Variants in LRBA observed in about 807,000 individuals in gnomAD.
The protein encoded by LRBA is lipopolysaccharide-responsive and beige-like anchor protein.
Under a neutral mutation model 330.0 loss-of-function variants are expected in LRBA, and 176 were observed. That is an observed-to-expected ratio of 0.53 (90% CI 0.47 to 0.60). The LOEUF (loss-of-function observed/expected upper bound fraction) is 0.60. Among genes scored for constraint, LRBA ranks in the 20% least tolerant of loss-of-function variants. LRBA has a pLI of 0.00. For synonymous variants in LRBA, 1,230 were observed against 1,193.0 expected, an observed-to-expected ratio of 1.03 and a Z score of -0.64; for missense variants, 3,259 against 3,444.8, an observed-to-expected ratio of 0.95 and a Z score of 1.35.
At chr4:150,992,240 C>T (rs1382897831) in intron 2 of LRBA, among the ~76,000 whole-genome samples, 2 of 139,810 alleles carry the variant, frequency 1.4e-5, no homozygotes, top group African/African-American at 5.3e-5. Flanking sequence ...CGCTTGAACT[C>T]GGGAGGCAGG....
intron 44 of LRBA, among the ~76,000 whole-genome samples, chr4:150,456,062 C>T (rs1413931184): frequency 1.3e-5 from 2 of 152,086 alleles, no homozygotes; most frequent in Non-Finnish European, 2.9e-5. Context: ...TTTCTTTATT[C>T]ATTCATCTGT....
intron 36 of LRBA, among the ~76,000 whole-genome samples, chr4:150,712,305 CA>C (rs1374072839): frequency 6.6e-6 from 1 of 152,126 alleles, no homozygotes; most frequent in East Asian, 1.9e-4. Flanking sequence ...TCCCCATCCT[CA>C]ACGTTTGAGT....
chr4:150,385,444 C>A (rs1034507523), intron 47 of LRBA, among the ~76,000 whole-genome samples: 1 of 152,014 alleles, frequency 6.6e-6, no homozygotes, highest in Non-Finnish European at 1.5e-5. Flanking sequence ...GTTTTATTTT[C>A]TATTACAAGT....
At position 150,975,883 on chromosome 4, in the gene LRBA, C is replaced by T. The variant is rs1384095634; in HGVS notation, c.216+38544G>A. 9.9e-5 allele frequency among the ~76,000 whole-genome samples: 15 copies of T among 151,912 alleles called. No homozygotes were observed. The East Asian group carries it at 1.6e-3, about 16-fold the overall frequency. ...GAGTTCCAAAAAGGAGAGTAGAGGC[C>T]GGGCGCAGTGGCTCACGCCTGTAAT... On this transcript the variant is annotated intron_variant, in intron 2 of 56. Coordinates refer to ENST00000651943, the MANE Select transcript of LRBA (RefSeq NM_001364905.1).
At chr4:150,443,908 C>A (rs1219221310) in intron 44 of LRBA, among the ~76,000 whole-genome samples, 51 of 134,544 alleles carry the variant, frequency 3.8e-4, no homozygotes, top group South Asian at 1.4e-3. Flanking sequence ...CCACCTCCAA[C>A]CAAACTGACT....
chr4:150,268,260 CAAGTG>C (rs964211045), intron 56 of LRBA, among the ~76,000 whole-genome samples: 26 of 152,194 alleles, frequency 1.7e-4, no homozygotes, highest in African/African-American at 6.0e-4. Flanking sequence ...AGACTTATGA[CAAGTG>C]AAGAGATTGA....
chr4:150,621,226 AT>A (rs1159264288), intron 37 of LRBA, among the ~76,000 whole-genome samples: 1 of 152,310 alleles, frequency 6.6e-6, no homozygotes, highest in African/African-American at 2.4e-5. Context: ...TTTGAAAGAT[AT>A]TTTTTATAAT....
intron 36 of LRBA, among the ~76,000 whole-genome samples, chr4:150,691,929 CCTA>C (rs970677926): frequency 1.3e-5 from 2 of 151,902 alleles, no homozygotes; most frequent in African/African-American, 4.8e-5. Context: ...ATCCAGAGTA[CCTA>C]CTATTTGATT....
chr4:150,724,724 C>T (rs1361963990), intron 36 of LRBA, among the ~76,000 whole-genome samples: 6 of 151,350 alleles, frequency 4.0e-5, no homozygotes, highest in Admixed American at 4.0e-4. Flanking sequence ...ATAAATTTAA[C>T]AAAAGGATTA....
intron 4 of LRBA, among the ~76,000 whole-genome samples, chr4:150,922,467 G>T (rs185468036): frequency 6.6e-6 from 1 of 150,856 alleles, no homozygotes; most frequent in African/African-American, 2.4e-5. Flanking sequence ...AGCATTTGCA[G>T]TGACCTGGAT....
chr4:150,921,846 C>A (rs1199246765), intron 4 of LRBA, among the ~76,000 whole-genome samples: 1 of 152,208 alleles, frequency 6.6e-6, no homozygotes, highest in East Asian at 1.9e-4. Flanking sequence ...CTGCCTCACC[C>A]TCCCAAGTAG....
intron 44 of LRBA, among the ~76,000 whole-genome samples, chr4:150,439,082 A>G (rs1296863863): frequency 3.3e-5 from 5 of 152,168 alleles, no homozygotes; most frequent in Non-Finnish European, 7.4e-5. Context: ...CTTTAAATGT[A>G]TTTTAGTTGT....
At chr4:150,787,923 A>C (rs1417814540) in intron 34 of LRBA, among the ~76,000 whole-genome samples, 5 of 152,114 alleles carry the variant, frequency 3.3e-5, no homozygotes, top group Non-Finnish European at 7.4e-5. Context: ...TATCTCTTTG[A>C]TATGCTGATT....
intron 2 of LRBA, chr4:151,014,122 G>GAA: frequency 6.1e-5 from 14 of 227,980 alleles, no homozygotes; most frequent in East Asian, 1.7e-4. Flanking sequence ...TACAAGCCAA[G>GAA]AAAAAAAAAA....
intron 48 of LRBA, among the ~76,000 whole-genome samples, chr4:150,333,791 T>C (rs1018369018): frequency 6.6e-6 from 1 of 152,148 alleles, no homozygotes; most frequent in Non-Finnish European, 1.5e-5. Context: ...AACATATTAA[T>C]CAAATGACTA....
At chr4:150,466,816 G>A (rs1449114341) in intron 44 of LRBA, among the ~76,000 whole-genome samples, 1 of 152,098 alleles carries the variant, frequency 6.6e-6, no homozygotes, top group Non-Finnish European at 1.5e-5. Context: ...GGAGGAATCA[G>A]TTTGAACTCA....
At chr4:150,799,906 G>A (rs1741351803) in intron 33 of LRBA, among the ~76,000 whole-genome samples, 1 of 152,022 alleles carries the variant, frequency 6.6e-6, no homozygotes, top group Admixed American at 6.6e-5. Flanking sequence ...CACCACACTT[G>A]GCTAATTTCT....
chr4:150,362,557 C>G (rs1738872464), intron 47 of LRBA, among the ~76,000 whole-genome samples: 1 of 152,168 alleles, frequency 6.6e-6, no homozygotes, highest in Non-Finnish European at 1.5e-5. Flanking sequence ...AAAACAGGCT[C>G]CAATCCACAG....
chr4:150,933,918 G>A (rs1470028848), intron 2 of LRBA, among the ~76,000 whole-genome samples: 1 of 151,930 alleles, frequency 6.6e-6, no homozygotes, highest in African/African-American at 2.4e-5. Context: ...CCAGCTGCTT[G>A]GAGGCTGAGG....
Sources: gnomAD v4.1 joint callset for allele counts (sites outside exome capture counted in the v4.1 genomes callset) on GRCh38, gnomAD v4.1.1 for gene constraint, MANE v1.5 for transcripts, NCBI Gene and HGNC (gene_info 2026-07-23, HGNC 2026-07-21) for gene names.